The following KCNC2 variants were observed in gnomAD, a reference collection of about 807,000 sequenced individuals.
KCNC2 encodes voltage-gated potassium channel KCNC2.
KCNC2 carries 21 observed loss-of-function variants against 44.5 expected under a neutral mutation model. The observed-to-expected ratio is 0.47, with a 90% confidence interval of 0.33 to 0.68. KCNC2 has a LOEUF of 0.68. Among genes scored for constraint, KCNC2 ranks in the 30% least tolerant of loss-of-function variants. The pLI, the probability that KCNC2 is intolerant of heterozygous loss-of-function variation, is 0.01. For synonymous variants in KCNC2, 391 were observed against 339.1 expected (o/e 1.15, Z -1.68); for missense variants, 589 against 826.2 (o/e 0.71, Z 3.52).
At chr12:75,073,002 A>AC in intron 2 of KCNC2, among the ~76,000 whole-genome samples, 1 of 145,028 alleles carries the variant, frequency 6.9e-6, no homozygotes, top group East Asian at 1.9e-4. Flanking sequence ...ATTTATGTCC[A>AC]AAAAAAACCC....
chr12:75,164,978 A>T (rs1891351518), intron 2 of KCNC2, among the ~76,000 whole-genome samples: 1 of 151,604 alleles, frequency 6.6e-6, no homozygotes, highest in Admixed American at 6.6e-5. Context: ...ATTGTTTAGG[A>T]AGTAAATCCA....
At chr12:75,206,781 T>G (rs1464785999) in intron 2 of KCNC2, among the ~76,000 whole-genome samples, 1 of 152,066 alleles carries the variant, frequency 6.6e-6, no homozygotes, top group Non-Finnish European at 1.5e-5. Flanking sequence ...TCCCTCCACC[T>G]CCCCAGACAC....
intron 2 of KCNC2, among the ~76,000 whole-genome samples, chr12:75,182,937 C>G (rs911523001): frequency 1.3e-5 from 2 of 152,130 alleles, no homozygotes; most frequent in Non-Finnish European, 2.9e-5. Context: ...ATGCAGTGTA[C>G]TGAGATGGTG....
intron 2 of KCNC2, among the ~76,000 whole-genome samples, chr12:75,116,936 A>G (rs1387631030): frequency 6.6e-6 from 1 of 152,188 alleles, no homozygotes; most frequent in Non-Finnish European, 1.5e-5. Context: ...TGCTCTAGCT[A>G]TCATTTCCAG....
intron 2 of KCNC2, among the ~76,000 whole-genome samples, chr12:75,064,096 T>C (rs146572392): frequency 5.1e-4 from 78 of 152,180 alleles, no homozygotes; most frequent in African/African-American, 1.8e-3. Context: ...GGTTTGAAAA[T>C]TGATTTTGTT....
At chr12:75,131,502 G>A (rs1888842228) in intron 2 of KCNC2, among the ~76,000 whole-genome samples, 1 of 152,014 alleles carries the variant, frequency 6.6e-6, no homozygotes, top group Non-Finnish European at 1.5e-5. Context: ...TTAAGGTTAT[G>A]GACATTAAAT....
chr12:75,083,670 A>C (rs1459172817), intron 2 of KCNC2, among the ~76,000 whole-genome samples: 6 of 151,986 alleles, frequency 3.9e-5, no homozygotes, highest in Non-Finnish European at 7.4e-5. Context: ...TAGTTTATAT[A>C]AGCAAGATAG....
intron 2 of KCNC2, among the ~76,000 whole-genome samples, chr12:75,115,190 G>A (rs1184085388): frequency 1.3e-5 from 2 of 152,070 alleles, no homozygotes; most frequent in African/African-American, 4.8e-5. Context: ...GACTAGCTCT[G>A]TATTCACTTA....
intron 2 of KCNC2, among the ~76,000 whole-genome samples, chr12:75,173,975 C>A (rs1469726992): frequency 6.6e-6 from 1 of 151,774 alleles, no homozygotes; most frequent in Non-Finnish European, 1.5e-5. Context: ...TTTTCCAACA[C>A]AATCTATTTC....
In KCNC2 at chr12:75,041,766, A is replaced by T. The variant is rs1444460943; in HGVS notation, c.*1339T>A. The T allele has an allele frequency of 3.0e-6, 3 of 991,404 alleles. No individual in the cohort carries two copies. The highest frequency in any genetic ancestry group is 3.5e-5 in the African/African-American group (2 of 57,258). 61.4% of individuals were successfully genotyped at this position (991,404 alleles called of 1,614,324 possible). A position where few individuals can be genotyped will look rare whatever the true frequency, so the allele number is the denominator to read the frequency against. Reference sequence around the variant, plus strand: ...TGCTGCTTAAACCCTGCTTATCAAAAAGATTCACAGTGCCGATTAACTTAG... The same window carrying T: ...TGCTGCTTAAACCCTGCTTATCAAATAGATTCACAGTGCCGATTAACTTAG... On this transcript the variant is annotated 3_prime_UTR_variant, in exon 5 of 5. Coordinates refer to ENST00000549446, the MANE Select transcript of KCNC2 (RefSeq NM_139137.4).
chr12:75,104,175 A>G (rs1052043411), intron 2 of KCNC2, among the ~76,000 whole-genome samples: 1 of 150,556 alleles, frequency 6.6e-6, no homozygotes, highest in African/African-American at 2.4e-5. Context: ...AGGAGGATCA[A>G]CTGCTTTGCA....
At chr12:75,163,770 G>A (rs889564882) in intron 2 of KCNC2, among the ~76,000 whole-genome samples, 4 of 151,564 alleles carry the variant, frequency 2.6e-5, no homozygotes, top group South Asian at 2.1e-4. Flanking sequence ...GAAGATTAGC[G>A]ATTTTCTTGA....
intron 2 of KCNC2, among the ~76,000 whole-genome samples, chr12:75,172,334 T>C (rs1019323820): frequency 2.0e-5 from 3 of 151,666 alleles, no homozygotes; most frequent in Admixed American, 2.0e-4. Context: ...GAGGCAGGTG[T>C]TGGAGAAGGG....
At chr12:75,190,543 T>C (rs2030104791) in intron 2 of KCNC2, among the ~76,000 whole-genome samples, 1 of 152,198 alleles carries the variant, frequency 6.6e-6, no homozygotes, top group Admixed American at 6.5e-5. Flanking sequence ...CTTTATTATT[T>C]CTAAATGTTA....
chr12:75,158,759 G>A (rs975454912), intron 2 of KCNC2, among the ~76,000 whole-genome samples: 1 of 151,816 alleles, frequency 6.6e-6, no homozygotes, highest in Non-Finnish European at 1.5e-5. Context: ...ACTTCAAAGG[G>A]AAAGGCCATC....
At chr12:75,171,753 AAG>A (rs1452407037) in intron 2 of KCNC2, among the ~76,000 whole-genome samples, 8 of 151,856 alleles carry the variant, frequency 5.3e-5, no homozygotes, top group Non-Finnish European at 1.0e-4. Flanking sequence ...AAATAGCTAG[AAG>A]AGAAGATTTA....
chr12:75,152,876 T>C (rs1890501420), intron 2 of KCNC2, among the ~76,000 whole-genome samples: 1 of 151,950 alleles, frequency 6.6e-6, no homozygotes, highest in Non-Finnish European at 1.5e-5. Flanking sequence ...AGGTAATCAC[T>C]AGAAAAACAG....
Position 75,043,257 on chromosome 12 carries a change from G to T in KCNC2, c.1781-16C>A. 6.2e-7 allele frequency: 1 copy of T among 1,611,154 alleles called. No individual in the cohort carries two copies. Among genetic ancestry groups the T allele is most frequent in the Non-Finnish European group, 8.5e-7 (1 of 1,178,248 alleles). The stretch of plus-strand genomic sequence containing the variant: ...TTTTCATATCCTTTTATGAAAAAAT[G>T]CACAGACATCAGTTGAATTCAACCA... On this transcript the variant is annotated splice_polypyrimidine_tract_variant and intron_variant, in intron 4 of 4. Coordinates refer to ENST00000549446, the MANE Select transcript of KCNC2 (RefSeq NM_139137.4).
intron 2 of KCNC2, among the ~76,000 whole-genome samples, chr12:75,053,387 G>A (rs1338399100): frequency 2.0e-5 from 3 of 151,032 alleles, no homozygotes; most frequent in Non-Finnish European, 4.4e-5. Flanking sequence ...TGGGATGTGT[G>A]TGTGCGTGTG....
Sources: allele counts gnomAD v4.1 joint callset (sites outside exome capture counted in the v4.1 genomes callset), GRCh38; gene constraint gnomAD v4.1.1; transcripts MANE v1.5; gene names NCBI Gene and HGNC (gene_info 2026-07-23, HGNC 2026-07-21).